Variants in AGAP1 observed in about 807,000 individuals in gnomAD.
AGAP1 encodes the protein ArfGAP with GTPase domain, ankyrin repeat and PH domain 1.
AGAP1 carries 29 observed loss-of-function variants against 105.3 expected under a neutral mutation model. The observed-to-expected ratio is 0.28, with a 90% confidence interval of 0.21 to 0.38. The LOEUF is 0.38. Among genes scored for constraint, AGAP1 ranks in the 10% least tolerant of loss-of-function variants. AGAP1 has a pLI of 1.00. For synonymous variants in AGAP1, 509 were observed against 485.9 expected (o/e 1.05, Z -0.63); for missense variants, 998 against 1,165.1 (o/e 0.86, Z 2.09).
rs971916119 is a variant in AGAP1, at chr2:236,036,933, G to A, written c.1800+218G>A. Among the ~76,000 whole-genome samples the A allele has an allele frequency of 1.5e-4, 23 of 152,226 alleles. No homozygotes were observed. The highest frequency in any genetic ancestry group is 5.3e-4 in the African/African-American group (22 of 41,454). ...CCAGCCTGACCGTGCTTCCCTGGCA[G>A]GAGAGCCAAGGTTAAATCTTCAGTC... is the stretch of plus-strand genomic sequence containing the variant. On this transcript the variant is annotated intron_variant, in intron 14 of 17. Transcript: ENST00000304032. The surrounding 1 kb of genome is among the most constrained non-coding windows in gnomAD (Gnocchi z 5.7).
intron 1 of AGAP1, among the ~76,000 whole-genome samples, chr2:235,647,982 C>G (rs1008967751): frequency 2.0e-5 from 3 of 152,168 alleles, no homozygotes; most frequent in African/African-American, 7.2e-5. Flanking sequence ...CTCAGGAGTA[C>G]TGGGGTGACT....
In AGAP1 at chr2:235,701,720, G is replaced by T. The variant is rs1179603858; in HGVS notation, c.164-7459G>T. ...CATTTGAAAGTCATCAGCGGATTAT[G>T]TCTGATCCAGTTTGCAGCGGGCTCT... On this transcript the variant is annotated intron_variant, in intron 1 of 17. Coordinates refer to ENST00000304032, the MANE Select transcript of AGAP1 (RefSeq NM_001037131.3). The surrounding 1 kb of genome is among the most constrained non-coding windows in gnomAD (Gnocchi z 4.1). 1.3e-5 allele frequency among the ~76,000 whole-genome samples: 2 copies of T among 152,156 alleles called. No homozygotes were observed. The highest frequency in any genetic ancestry group is 2.9e-5 in the Non-Finnish European group (2 of 68,026).
rs954087038 is a variant in AGAP1 at position 235,716,125 on chromosome 2, G to A, written c.223-1432G>A. Among the ~76,000 whole-genome samples, 1 of 152,170 alleles carries A rather than the reference G, an allele frequency of 6.6e-6. No homozygotes were observed. The highest frequency in any genetic ancestry group is 1.5e-5 in the Non-Finnish European group (1 of 68,020). ...GTTATGATTCCAGAGTCTGCAGGGT[G>A]TCTCCTGTTAAATGGAATCGCAGCT... On this transcript the variant is annotated intron_variant, in intron 2 of 17. Coordinates refer to ENST00000304032, the MANE Select transcript of AGAP1 (RefSeq NM_001037131.3). The surrounding 1 kb of genome is among the most constrained non-coding windows in gnomAD (Gnocchi z 4.0).
In AGAP1 at chr2:235,979,994, G is replaced by A. The variant is rs1214337149; in HGVS notation, c.1645+11371G>A. 6.6e-6 allele frequency among the ~76,000 whole-genome samples: 1 copy of A among 152,124 alleles called. No homozygotes were observed. On this transcript the variant is annotated intron_variant, in intron 13 of 17. Coordinates refer to ENST00000304032, the MANE Select transcript of AGAP1 (RefSeq NM_001037131.3). The surrounding 1 kb of genome is among the most constrained non-coding windows in gnomAD (Gnocchi z 4.5). ...AAAAAAGAGAGATAGAGAAAGCAGGGGAGCTTGTGAAGTATGACTCCCTAT... is the reference window on the plus strand; with the variant it reads ...AAAAAAGAGAGATAGAGAAAGCAGGAGAGCTTGTGAAGTATGACTCCCTAT...
At chr2:235,648,145 C>G (rs1287033904) in intron 1 of AGAP1, among the ~76,000 whole-genome samples, 1 of 152,188 alleles carries the variant, frequency 6.6e-6, no homozygotes, top group Non-Finnish European at 1.5e-5. Flanking sequence ...GGTGTCCATC[C>G]CGTGTGTGCC....
rs887737998 is a variant in AGAP1 at position 235,736,475 on chromosome 2, G to T, written c.311-4488G>T. On this transcript the variant is annotated intron_variant, in intron 3 of 17. Transcript: ENST00000304032. The surrounding 1 kb of genome is among the most constrained non-coding windows in gnomAD (Gnocchi z 5.5). ...GTGCACCAGGTGCTGGGAGGATACCGGTGGGCGAACCAGACCTGCAGGAAA... is the reference window on the plus strand; with the variant it reads ...GTGCACCAGGTGCTGGGAGGATACCTGTGGGCGAACCAGACCTGCAGGAAA... Among the ~76,000 whole-genome samples, 1 of 152,156 alleles carries T rather than the reference G, an allele frequency of 6.6e-6. No individual in the cohort carries two copies. The highest frequency in any genetic ancestry group is 2.4e-5 in the African/African-American group (1 of 41,440).
In AGAP1 at chr2:235,621,223, T is replaced by C. The variant is rs1430754723; in HGVS notation, c.164-87956T>C. ...TTTTAGTACAGATAGGGATTCACCG[T>C]GTTGGCCAGGGTGGTCTTGAACTCC... On this transcript the variant is annotated intron_variant, in intron 1 of 17. Transcript: ENST00000304032. The surrounding 1 kb of genome is among the most constrained non-coding windows in gnomAD (Gnocchi z 4.1). 1.3e-5 allele frequency among the ~76,000 whole-genome samples: 2 copies of C among 152,154 alleles called. No homozygotes were observed. The highest frequency in any genetic ancestry group is 2.9e-5 in the Non-Finnish European group (2 of 68,024).
At chr2:236,066,466 TCC>T (rs1487024944) in intron 16 of AGAP1, among the ~76,000 whole-genome samples, 1 of 152,158 alleles carries the variant, frequency 6.6e-6, no homozygotes. Flanking sequence ...GCTCAATTGA[TCC>T]ACCCGCGTCG....
intron 1 of AGAP1, among the ~76,000 whole-genome samples, chr2:235,674,329 A>G (rs564479772): frequency 2.6e-5 from 4 of 152,364 alleles, no homozygotes; most frequent in Admixed American, 1.3e-4. Context: ...TGACTCAAGT[A>G]TAATTTAATA....
Position 235,621,851 on chromosome 2 carries a change from A to G in AGAP1, c.164-87328A>G, listed in dbSNP as rs891603710. Reference sequence around the variant, plus strand: ...GGCTGCTGATGTTCTGGCTCTCTGCAGTTGGGTAGGAGTGGAGGAGGGGTG... The same window carrying G: ...GGCTGCTGATGTTCTGGCTCTCTGCGGTTGGGTAGGAGTGGAGGAGGGGTG... On this transcript the variant is annotated intron_variant, in intron 1 of 17. Transcript: ENST00000304032. The surrounding 1 kb of genome is among the most constrained non-coding windows in gnomAD (Gnocchi z 4.1). 6.6e-6 allele frequency among the ~76,000 whole-genome samples: 1 copy of G among 152,160 alleles called. No individual in the cohort carries two copies. The highest frequency in any genetic ancestry group is 1.5e-5 in the Non-Finnish European group (1 of 68,016).
chr2:235,961,625 C>G lies in AGAP1; in HGVS notation c.1484-6837C>G, dbSNP rs1361363314. Among the ~76,000 whole-genome samples the G allele has an allele frequency of 6.6e-6, 1 of 152,116 alleles. No homozygotes were observed. Among genetic ancestry groups the G allele is most frequent in the Non-Finnish European group, 1.5e-5 (1 of 68,012 alleles). ...GAGTTGTGTTAAAAATGTGAGATGA[C>G]AGGGCCGGGCGTGGTGGCTCATGCC... On this transcript the variant is annotated intron_variant, in intron 12 of 17. Transcript: ENST00000304032. The surrounding 1 kb of genome is among the most constrained non-coding windows in gnomAD (Gnocchi z 5.9).
chr2:236,074,027 G>A (rs557426101), intron 16 of AGAP1, among the ~76,000 whole-genome samples: 15 of 152,322 alleles, frequency 9.8e-5, no homozygotes, highest in Non-Finnish European at 2.2e-4. Context: ...GGAAATGCCT[G>A]GAGACATCCT....
intron 12 of AGAP1, among the ~76,000 whole-genome samples, chr2:235,941,849 T>G (rs1559675186): frequency 2.0e-5 from 3 of 150,842 alleles, no homozygotes; most frequent in South Asian, 2.1e-4. Context: ...GCTTTGTTGT[T>G]GGGGGGGTAA....
rs758505365 is a variant in AGAP1, at chr2:236,120,300, C to T, written c.2223C>T (p.Ala741=). 13 of 1,612,752 alleles carry T rather than the reference C, an allele frequency of 8.1e-6. No homozygotes were observed. The highest frequency in any genetic ancestry group is 4.0e-5 in the African/African-American group (3 of 74,892). The stretch of plus-strand genomic sequence containing the variant: ...GCCAGCACCTGCTGCGGGCCACCGC[C>T]GACGAGGACCTGCGGACGGCCATCC... ...SLGQHLLRAT[A]DEDLRTAILL... Residue 741 remains alanine, a synonymous_variant, in exon 17 of 18, where the codon GCC becomes GCT. Coordinates refer to ENST00000304032, the MANE Select transcript of AGAP1 (RefSeq NM_001037131.3). This position sits in a 1 kb window ranked among gnomAD's most constrained non-coding sequence, Gnocchi z 6.0.
In AGAP1 at chr2:235,612,267, C is replaced by G. The variant is rs1306189935; in HGVS notation, c.164-96912C>G. Among the ~76,000 whole-genome samples the G allele has an allele frequency of 6.6e-6, 1 of 152,174 alleles. No homozygotes were observed. Among genetic ancestry groups the G allele is most frequent in the African/African-American group, 2.4e-5 (1 of 41,446 alleles). ...GATTTTACACCAGCACCTTTCATCT[C>G]AGGGGTGCTTGTGAATTGATTGCAC... On this transcript the variant is annotated intron_variant, in intron 1 of 17. Coordinates refer to ENST00000304032, the MANE Select transcript of AGAP1 (RefSeq NM_001037131.3). The surrounding 1 kb of genome is among the most constrained non-coding windows in gnomAD (Gnocchi z 4.3).
chr2:235,497,481 G>C (rs1476059674), intron 1 of AGAP1, among the ~76,000 whole-genome samples: 1 of 152,220 alleles, frequency 6.6e-6, no homozygotes, highest in Non-Finnish European at 1.5e-5. Flanking sequence ...CCACCAAATA[G>C]AAAGCTGGCC....
At chr2:235,538,020 T>TA (rs1943298342) in intron 1 of AGAP1, among the ~76,000 whole-genome samples, 1 of 152,222 alleles carries the variant, frequency 6.6e-6, no homozygotes, top group Admixed American at 6.5e-5. Context: ...AGGCTGCTAA[T>TA]ATGCGTGGTA....
chr2:235,653,443 G>A (rs1014023486), intron 1 of AGAP1, among the ~76,000 whole-genome samples: 5 of 151,882 alleles, frequency 3.3e-5, no homozygotes, highest in African/African-American at 4.8e-5. Flanking sequence ...CAGCCTGGGC[G>A]AAAGAGCGAA....
chr2:235,828,378 C>T (rs1959169775), intron 9 of AGAP1, among the ~76,000 whole-genome samples: 1 of 152,096 alleles, frequency 6.6e-6, no homozygotes, highest in Admixed American at 6.5e-5. Context: ...CTCACAACCA[C>T]CTTAGGAGGG....
Sources: allele counts gnomAD v4.1 joint callset (sites outside exome capture counted in the v4.1 genomes callset), GRCh38; gene constraint gnomAD v4.1.1; non-coding constraint Gnocchi (gnomAD v3.1); transcripts MANE v1.5; gene names NCBI Gene and HGNC (gene_info 2026-07-23, HGNC 2026-07-21).